The following LGR6 variants were observed in gnomAD, a reference collection of about 807,000 sequenced individuals.
LGR6 encodes leucine rich repeat containing G protein-coupled receptor 6.
In LGR6, 45 loss-of-function variants were observed where a neutral mutation model predicts 69.4. The observed-to-expected ratio is 0.65, with a 90% CI of 0.51 to 0.83. LGR6 has a LOEUF of 0.83. LGR6 is among the 40% of genes least tolerant of loss of function. The pLI, the probability that LGR6 is intolerant of heterozygous loss-of-function variation, is 0.00. For missense variants in LGR6, 1,108 were observed against 1,246.7 expected (o/e 0.89, Z 1.68); for synonymous variants, 538 against 555.0 (o/e 0.97, Z 0.43).
intron 4 of LGR6, among the ~76,000 whole-genome samples, chr1:202,253,931 A>T (rs1326465569): frequency 5.7e-5 from 8 of 140,882 alleles, no homozygotes; most frequent in African/African-American, 2.1e-4. Flanking sequence ...TCAGCCTCCC[A>T]AGTAGCTGGG....
At position 202,204,600 on chromosome 1, in the gene LGR6, A is replaced by G. The variant is rs111205720; in HGVS notation, c.212+10399A>G. On this transcript the variant is annotated intron_variant, in intron 1 of 17. Coordinates refer to ENST00000367278, the MANE Select transcript of LGR6 (RefSeq NM_001017403.2). Reference sequence around the variant, plus strand: ...TAACACACACCTCCTTCAAACACACACACCTCCAAACACACACCTCCTTCA... The same window carrying G: ...TAACACACACCTCCTTCAAACACACGCACCTCCAAACACACACCTCCTTCA... Among the ~76,000 whole-genome samples the G allele has an allele frequency of 6.2e-3, 839 of 135,856 alleles. 11 individuals carry two copies. The highest frequency in any genetic ancestry group is 0.025 in the African/African-American group (798 of 31,978). The allele number at this position is 135,856 out of a possible 152,430, so 89.1% of individuals were successfully genotyped here. A position where few individuals can be genotyped will look rare whatever the true frequency, so the allele number is the denominator to read the frequency against.
At chr1:202,294,013 G>A (rs1571981900) in intron 6 of LGR6, among the ~76,000 whole-genome samples, 1 of 152,150 alleles carries the variant, frequency 6.6e-6, no homozygotes, top group Admixed American at 6.5e-5. Flanking sequence ...CCATCCCATG[G>A]TCTCTGTGGC....
intron 16 of LGR6, among the ~76,000 whole-genome samples, chr1:202,313,766 CATATAATGT>C (rs1653926267): frequency 6.6e-6 from 1 of 152,180 alleles, no homozygotes; most frequent in African/African-American, 2.4e-5. Context: ...TTAATACATT[CATATAATGT>C]ATATAAAGAT....
chr1:202,265,522 T>C (rs1332896468), intron 4 of LGR6, among the ~76,000 whole-genome samples: 1 of 152,126 alleles, frequency 6.6e-6, no homozygotes, highest in Non-Finnish European at 1.5e-5. Context: ...GCACTGTATG[T>C]GGGGGTGGGC....
chr1:202,252,966 A>G (rs1663394485), intron 4 of LGR6, among the ~76,000 whole-genome samples: 1 of 152,234 alleles, frequency 6.6e-6, no homozygotes, highest in Non-Finnish European at 1.5e-5. Flanking sequence ...GAGGGCTTCA[A>G]CGCACCCAGC....
At chr1:202,209,554 A>G (rs2147911718) in intron 1 of LGR6, among the ~76,000 whole-genome samples, 1 of 152,336 alleles carries the variant, frequency 6.6e-6, no homozygotes, top group Non-Finnish European at 1.5e-5. Context: ...TTGGCCAGAC[A>G]CCTTTGTCTA....
intron 1 of LGR6, among the ~76,000 whole-genome samples, chr1:202,205,946 AAC>A (rs754002869): frequency 4.1e-4 from 57 of 138,116 alleles, no homozygotes; most frequent in South Asian, 7.6e-4. Flanking sequence ...ATCCTTCAAG[AAC>A]ACACACACAC....
At chr1:202,269,052 G>A (rs978142884) in intron 4 of LGR6, among the ~76,000 whole-genome samples, 43 of 152,198 alleles carry the variant, frequency 2.8e-4, no homozygotes, top group African/African-American at 6.7e-4. Flanking sequence ...CTACTGGAGC[G>A]TGCCACCATG....
At chr1:202,226,417 C>T (rs1420617753) in intron 2 of LGR6, among the ~76,000 whole-genome samples, 2 of 152,186 alleles carry the variant, frequency 1.3e-5, no homozygotes, top group South Asian at 2.1e-4. Context: ...AAAGAAACTT[C>T]GCAAACTGTG....
At chr1:202,237,497 T>C (rs1159664170) in intron 4 of LGR6, among the ~76,000 whole-genome samples, 1 of 152,226 alleles carries the variant, frequency 6.6e-6, no homozygotes, top group Non-Finnish European at 1.5e-5. Context: ...CTTCACACTT[T>C]TAAGGTTGTT....
intron 4 of LGR6, among the ~76,000 whole-genome samples, chr1:202,252,744 T>A (rs1663374280): frequency 1.3e-5 from 2 of 152,214 alleles, no homozygotes; most frequent in South Asian, 4.1e-4. Flanking sequence ...TGTGAAAAGT[T>A]TGGAAAGGGC....
In LGR6 at chr1:202,215,173, C is replaced by A. The variant is rs139009057; in HGVS notation, c.213-10250C>A. On this transcript the variant is annotated intron_variant, in intron 1 of 17. Transcript: ENST00000367278. ...AGAGGGCTTTCTCCAGTTTTCCACC[C>A]CCAGACACACCCTGCCTGTTTATCC... Among the ~76,000 whole-genome samples the A allele has an allele frequency of 1.4e-3, 206 of 152,146 alleles. No individual in the cohort carries two copies. The South Asian group carries it at 0.018, about 13-fold the overall frequency.
In LGR6 at chr1:202,318,649, CG is replaced by C; in HGVS notation, c.2349del (p.Leu784SerfsTer68). 2 of 1,613,784 alleles carry C rather than the reference CG, an allele frequency of 1.2e-6. No individual in the cohort carries two copies. Among genetic ancestry groups the C allele is most frequent in the East Asian group, 4.5e-5 (2 of 44,872 alleles). On this transcript the variant is annotated frameshift_variant, in exon 18 of 18. Transcript: ENST00000367278. LOFTEE classifies it low-confidence loss of function (END_TRUNC). ...ACGTGGCCTGGCTCATCTTCGCAGA[CG>C]GGCTCCTCTACTGTCCCGTGGCCTT... ...RHVAWLIFAD[G>X]LLYCPVAFLS...
At position 202,318,802 on chromosome 1, in the gene LGR6, C is replaced by T. The variant is rs1654388205; in HGVS notation, c.2499C>T (p.His833=). The change falls in exon 18 of 18, where the codon CAC becomes CAT. Residue 833 remains histidine (H), a synonymous_variant. Coordinates refer to ENST00000367278, the MANE Select transcript of LGR6 (RefSeq NM_001017403.2). The stretch of plus-strand genomic sequence containing the variant: ...TGCTGTACCTGCTCTTCAACCCCCA[C>T]TTCCGGGATGACCTTCGGCGGCTTC... ...NPLLYLLFNP[H]FRDDLRRLRP... 1.9e-6 allele frequency: 3 copies of T among 1,613,652 alleles called. No homozygotes were observed. Among genetic ancestry groups the T allele is most frequent in the Non-Finnish European group, 1.7e-6 (2 of 1,179,892 alleles).
chr1:202,197,047 G>T (rs766547262), intron 1 of LGR6: 1 of 533,328 alleles, frequency 1.9e-6, no homozygotes, highest in African/African-American at 1.9e-5. Flanking sequence ...GAGAAGACTC[G>T]AAGATCCTTA....
chr1:202,204,362 ACACACACACCTCC>A lies in LGR6; in HGVS notation c.212+10162_212+10174del, dbSNP rs1163464279. Among the ~76,000 whole-genome samples the A allele has an allele frequency of 5.1e-3, 619 of 122,134 alleles. 8 individuals are homozygous for A. Among genetic ancestry groups the A allele is most frequent in the South Asian group, 0.01 (36 of 3,574 alleles). The allele number at this position is 122,134 out of a possible 152,430, so 80.1% of individuals were successfully genotyped here. On this transcript the variant is annotated intron_variant, in intron 1 of 17. Transcript: ENST00000367278. ...CACCTCCACACACACACACCTCCAC[ACACACACACCTCC>A]ACACACACACCTCCACACACACACC...
At chr1:202,212,993 T>TA (rs1659520522) in intron 1 of LGR6, among the ~76,000 whole-genome samples, 1 of 152,186 alleles carries the variant, frequency 6.6e-6, no homozygotes, top group African/African-American at 2.4e-5. Flanking sequence ...CCTCCAGCAC[T>TA]AATGTATAAG....
intron 4 of LGR6, among the ~76,000 whole-genome samples, chr1:202,249,754 GTCC>G (rs1663072162): frequency 6.6e-6 from 1 of 152,058 alleles, no homozygotes; most frequent in Admixed American, 6.5e-5. Flanking sequence ...TCTGGAGTAG[GTCC>G]TCTTTTCCTT....
intron 15 of LGR6, among the ~76,000 whole-genome samples, 186 bp from the exon 16 acceptor site, chr1:202,310,011 G>T (rs1653589054): frequency 6.6e-6 from 1 of 152,182 alleles, no homozygotes; most frequent in Admixed American, 6.5e-5. Context: ...TTCAGATCAG[G>T]AGTCAGGCTG....
Sources: allele counts gnomAD v4.1 joint callset (sites outside exome capture counted in the v4.1 genomes callset), GRCh38; gene constraint gnomAD v4.1.1; transcripts MANE v1.5; gene names NCBI Gene and HGNC (gene_info 2026-07-23, HGNC 2026-07-21).